Variants in TRPM7 observed in about 807,000 individuals in gnomAD.
TRPM7 encodes LTRPC ion channel family member 7.
In TRPM7, 134 loss-of-function variants were observed where a neutral mutation model predicts 229.7. That is an observed-to-expected ratio of 0.58 (90% CI 0.51 to 0.67). The LOEUF (loss-of-function observed/expected upper bound fraction) is 0.67. Among genes scored for constraint, TRPM7 ranks in the 30% least tolerant of loss-of-function variants. TRPM7 has a pLI of 0.00. For synonymous variants in TRPM7, 699 were observed against 715.2 expected, an observed-to-expected ratio of 0.98 and a Z score of 0.36; for missense variants, 1,901 against 2,210.0, an observed-to-expected ratio of 0.86 and a Z score of 2.80.
chr15:50,637,366 G>C, intron 7 of TRPM7, 56 bp downstream of exon 7: 1 of 1,493,214 alleles, frequency 6.7e-7, no homozygotes, highest in South Asian at 1.3e-5. Flanking sequence ...TTTGAATTTG[G>C]CTATTAGTAC....
intron 26 of TRPM7, among the ~76,000 whole-genome samples, chr15:50,591,407 A>G: frequency 6.6e-6 from 1 of 152,240 alleles, no homozygotes; most frequent in Admixed American, 6.5e-5. Context: ...TTCAAAAGAC[A>G]GAACCTAAAA....
chr15:50,606,016 T>C (rs2059909301), intron 20 of TRPM7, among the ~76,000 whole-genome samples: 1 of 152,218 alleles, frequency 6.6e-6, no homozygotes, highest in South Asian at 2.1e-4. Context: ...ATTTTTGCAA[T>C]TTCTTGTATT....
At chr15:50,607,037 C>A in intron 20 of TRPM7, among the ~76,000 whole-genome samples, 163 bp downstream of exon 20, 1 of 152,158 alleles carries the variant, frequency 6.6e-6, no homozygotes. Context: ...AATCTCTATT[C>A]TTTTGCCATT....
intron 3 of TRPM7, among the ~76,000 whole-genome samples, chr15:50,650,188 G>T (rs2061380344): frequency 2.9e-5 from 2 of 69,090 alleles, no homozygotes; most frequent in East Asian, 9.5e-4. Context: ...GTGAGACTTT[G>T]TCTCAAAAAA....
chr15:50,605,186 T>C, intron 20 of TRPM7, 42 bp from the exon 21 acceptor site: 1 of 1,501,088 alleles, frequency 6.7e-7, no homozygotes, highest in Non-Finnish European at 8.9e-7. Flanking sequence ...AATCAGTTTA[T>C]TCCTATTAAA....
In TRPM7 at chr15:50,678,250, A is replaced by AC. The variant is rs2062144212; in HGVS notation, c.3+8280_3+8281insG. 1.6e-5 allele frequency among the ~76,000 whole-genome samples: 2 copies of AC among 125,650 alleles called. 1 individual carries two copies. 82.4% of individuals were successfully genotyped at this position (125,650 alleles called of 152,430 possible). A position where few individuals can be genotyped will look rare whatever the true frequency, so the allele number is the denominator to read the frequency against. ...GTGAGACTCTCTCTCAAAAAAAAAA[A>AC]ACAAAAACAAAAACAAAAACAAAAA... is the stretch of plus-strand genomic sequence containing the variant. On this transcript the variant is annotated intron_variant, in intron 1 of 38. Coordinates refer to ENST00000646667, the MANE Select transcript of TRPM7 (RefSeq NM_017672.6).
chr15:50,629,016 G>A (rs536510756), intron 10 of TRPM7, among the ~76,000 whole-genome samples: 1 of 152,086 alleles, frequency 6.6e-6, no homozygotes, highest in African/African-American at 2.4e-5. Flanking sequence ...ATATACTTAG[G>A]TAAACCACAA....
intron 1 of TRPM7, among the ~76,000 whole-genome samples, chr15:50,665,011 CAT>C (rs1207174562): frequency 1.3e-5 from 2 of 152,116 alleles, no homozygotes; most frequent in African/African-American, 2.4e-5. Context: ...ATTTTAACAA[CAT>C]GTTAACAAGC....
chr15:50,608,127 G>GT (rs2059971478), intron 19 of TRPM7, among the ~76,000 whole-genome samples: 6 of 151,966 alleles, frequency 3.9e-5, no homozygotes, highest in Non-Finnish European at 2.9e-5. Context: ...CAGACAACTG[G>GT]TATTTTCTTA....
chr15:50,640,052 T>C (rs2061044575), intron 5 of TRPM7, among the ~76,000 whole-genome samples: 1 of 152,206 alleles, frequency 6.6e-6, no homozygotes, highest in Non-Finnish European at 1.5e-5. Context: ...AATTTTACCA[T>C]GTTATTTGGT....
chr15:50,682,079 G>A (rs999021057), intron 1 of TRPM7, among the ~76,000 whole-genome samples: 1 of 148,248 alleles, frequency 6.7e-6, no homozygotes, highest in Non-Finnish European at 1.5e-5. Context: ...TCGAGAGGCT[G>A]AGGCAGGAGA....
At chr15:50,586,280 C>T (rs1202741797) in intron 28 of TRPM7, 112 bp downstream of exon 28, 11 of 615,002 alleles carry the variant, frequency 1.8e-5, no homozygotes, top group Admixed American at 9.9e-5. Flanking sequence ...TCAGAATTTT[C>T]GTCTTCTGAC....
In TRPM7 at chr15:50,592,325, G is replaced by A. The variant is rs766537022; in HGVS notation, c.3910C>T (p.Gln1304Ter). 6.2e-7 allele frequency: 1 copy of A among 1,614,020 alleles called. No homozygotes were observed. The highest frequency in any genetic ancestry group is 8.5e-7 in the Non-Finnish European group (1 of 1,179,934). The part of the protein sequence containing the change: ...VVNTLSSSLP[Q>*]GDLESNNPFH... ...GGATTATTACTTTCAAGATCACCTTGAGGAAGAGAGGAGCTAAGTGTATTT... is the reference window on the plus strand; with the variant it reads ...GGATTATTACTTTCAAGATCACCTTAAGGAAGAGAGGAGCTAAGTGTATTT... Residue 1304 changes from glutamine to a stop codon, truncating the protein, a stop_gained, in exon 26 of 39, where the codon CAA (glutamine) becomes TAA (stop). Coordinates refer to ENST00000646667, the MANE Select transcript of TRPM7 (RefSeq NM_017672.6). LOFTEE classifies it high-confidence loss of function.
intron 36 of TRPM7, among the ~76,000 whole-genome samples, chr15:50,571,144 A>G (rs1034588278): frequency 2.0e-5 from 3 of 152,210 alleles, no homozygotes; most frequent in Non-Finnish European, 4.4e-5. Flanking sequence ...ATCTAATAAA[A>G]TGGTTCAATT....
Position 50,634,469 on chromosome 15 carries a change from C to CT in TRPM7, c.919dup (p.Ser307LysfsTer10). 6.3e-7 allele frequency: 1 copy of CT among 1,584,850 alleles called. No individual in the cohort carries two copies. Among genetic ancestry groups the CT allele is most frequent in the Non-Finnish European group, 8.6e-7 (1 of 1,167,884 alleles). ...ACACACAACTACTGGAACAGGGGGG[C>CT]TTTCCTGAAGGTATTCAAGAACTGT... On this transcript the variant is annotated frameshift_variant, in exon 8 of 39. Coordinates refer to ENST00000646667, the MANE Select transcript of TRPM7 (RefSeq NM_017672.6). LOFTEE classifies it high-confidence loss of function.
intron 15 of TRPM7, 134 bp downstream of exon 15, chr15:50,613,573 G>T: frequency 5.2e-5 from 25 of 476,598 alleles, no homozygotes; most frequent in Middle Eastern, 7.3e-4. Context: ...GTGAGAAAAT[G>T]ACAATTCTAG....
At chr15:50,614,309 A>T (rs765707121) in intron 13 of TRPM7, 46 bp from the exon 14 acceptor site, 21 of 1,514,088 alleles carry the variant, frequency 1.4e-5, no homozygotes, top group Non-Finnish European at 1.4e-5. Context: ...AGCACTTCTC[A>T]ATATTGCCAT....
intron 1 of TRPM7, among the ~76,000 whole-genome samples, chr15:50,686,185 T>G (rs893828789): frequency 3.3e-5 from 5 of 152,208 alleles, no homozygotes; most frequent in Non-Finnish European, 7.3e-5. Flanking sequence ...GCGGAGCTTG[T>G]AGGCTGAGCC....
intron 30 of TRPM7, 71 bp from the exon 31 acceptor site, chr15:50,578,735 G>T: frequency 1.8e-6 from 2 of 1,107,550 alleles, no homozygotes; most frequent in South Asian, 2.1e-5. Flanking sequence ...TTAATTTTTT[G>T]ATTTTATACA....
Sources: allele counts gnomAD v4.1 joint callset (sites outside exome capture counted in the v4.1 genomes callset), GRCh38; gene constraint gnomAD v4.1.1; transcripts MANE v1.5; gene names NCBI Gene and HGNC (gene_info 2026-07-23, HGNC 2026-07-21).